IGSF11: variants seen among roughly 807,000 people sequenced by gnomAD.
IGSF11 encodes the protein immunoglobulin superfamily member 11.
In IGSF11, 22 loss-of-function variants were observed where a neutral mutation model predicts 41.0. The observed-to-expected ratio is 0.54, with a 90% confidence interval of 0.38 to 0.77. IGSF11 has a LOEUF of 0.77. Ranked by LOEUF, IGSF11 falls within the 30% of genes least tolerant of loss-of-function variation. IGSF11 has a pLI of 0.00. For missense variants in IGSF11, 444 were observed against 530.8 expected, an observed-to-expected ratio of 0.84 and a Z score of 1.61; for synonymous variants, 219 against 201.3, an observed-to-expected ratio of 1.09 and a Z score of -0.74.
chr3:118,930,375 G>A, intron 1 of IGSF11, 100 bp from the exon 2 acceptor site: 6 of 1,148,004 alleles, frequency 5.2e-6, no homozygotes, highest in Non-Finnish European at 7.3e-6. Context: ...CATTATTATT[G>A]ATTATGTGAA....
intron 1 of IGSF11, among the ~76,000 whole-genome samples, chr3:119,048,677 A>T (rs187383209): frequency 0.016 from 2,468 of 152,066 alleles, 33 homozygotes; most frequent in Non-Finnish European, 0.022. Context: ...TACCAAAGCC[A>T]GGCAGAGACA....
intron 4 of IGSF11, among the ~76,000 whole-genome samples, chr3:118,916,062 ATT>A (rs1941044078): frequency 6.7e-6 from 1 of 149,826 alleles, no homozygotes; most frequent in Non-Finnish European, 1.5e-5. Flanking sequence ...ATGCTGAGAG[ATT>A]TTGTCACCAC....
intron 4 of IGSF11, among the ~76,000 whole-genome samples, chr3:118,916,440 A>C (rs1278886076): frequency 6.6e-6 from 1 of 152,086 alleles, no homozygotes; most frequent in Non-Finnish European, 1.5e-5. Flanking sequence ...AAACTAAAAA[A>C]GGCAGGGGTT....
At chr3:119,080,378 C>CA (rs1220348062) in intron 1 of IGSF11, among the ~76,000 whole-genome samples, 1 of 151,992 alleles carries the variant, frequency 6.6e-6, no homozygotes, top group African/African-American at 2.4e-5. Flanking sequence ...CATTTTACTC[C>CA]AAAAAAATTA....
intron 1 of IGSF11, among the ~76,000 whole-genome samples, chr3:118,995,760 C>T (rs916582487): frequency 6.6e-5 from 10 of 152,290 alleles, no homozygotes; most frequent in African/African-American, 1.7e-4. Flanking sequence ...TCAAGCGATT[C>T]TCCTGCCTCA....
chr3:118,903,927 A>C (rs1168658470), intron 6 of IGSF11, among the ~76,000 whole-genome samples: 2 of 152,190 alleles, frequency 1.3e-5, no homozygotes, highest in Non-Finnish European at 2.9e-5. Context: ...CCAGGAAGAG[A>C]GCAGAGGCTT....
At chr3:118,912,763 T>A (rs934585987) in intron 4 of IGSF11, among the ~76,000 whole-genome samples, 9 of 152,160 alleles carry the variant, frequency 5.9e-5, no homozygotes, top group Non-Finnish European at 1.3e-4. Flanking sequence ...ACTATAAAAT[T>A]AGTATGCTTA....
intron 1 of IGSF11, among the ~76,000 whole-genome samples, chr3:119,001,352 T>C (rs1322093183): frequency 6.6e-6 from 1 of 151,730 alleles, no homozygotes; most frequent in African/African-American, 2.4e-5. Context: ...GGAACTTCTT[T>C]TTGCTTGGCT....
chr3:118,990,086 G>C (rs906223653), intron 1 of IGSF11, among the ~76,000 whole-genome samples: 1 of 152,200 alleles, frequency 6.6e-6, no homozygotes, highest in Non-Finnish European at 1.5e-5. Flanking sequence ...AGGTTACAAA[G>C]AGATTCACAG....
chr3:119,107,806 G>A (rs1010508547), upstream of IGSF11, among the ~76,000 whole-genome samples: 10 of 151,456 alleles, frequency 6.6e-5, no homozygotes, highest in Admixed American at 6.6e-4. Context: ...TTCTACATAT[G>A]GCTAGCCAGT....
intron 1 of IGSF11, among the ~76,000 whole-genome samples, chr3:119,040,823 T>G (rs555505219): frequency 6.6e-6 from 1 of 152,326 alleles, no homozygotes; most frequent in South Asian, 2.1e-4. Context: ...CAACACATTC[T>G]TTGACCACAA....
At chr3:118,950,024 C>A (rs72968606) in intron 1 of IGSF11, among the ~76,000 whole-genome samples, 2,532 of 152,222 alleles carry the variant, frequency 0.017, 62 homozygotes, top group African/African-American at 0.058. Flanking sequence ...CCAATGCAAA[C>A]CCTCAATAAA....
At chr3:119,011,222 T>C (rs1171001750) in intron 1 of IGSF11, among the ~76,000 whole-genome samples, 2 of 151,986 alleles carry the variant, frequency 1.3e-5, no homozygotes, top group East Asian at 3.9e-4. Flanking sequence ...CTGAGGACCA[T>C]GGTGATCGTG....
At chr3:118,992,820 G>A (rs528183896) in intron 1 of IGSF11, among the ~76,000 whole-genome samples, 1 of 152,176 alleles carries the variant, frequency 6.6e-6, no homozygotes, top group South Asian at 2.1e-4. Context: ...TGAAAATTAA[G>A]AATTTTGGTG....
At chr3:119,031,282 T>A (rs1427872323) in intron 1 of IGSF11, among the ~76,000 whole-genome samples, 1 of 151,768 alleles carries the variant, frequency 6.6e-6, no homozygotes, top group Admixed American at 6.6e-5. Flanking sequence ...ATAAACAAAC[T>A]AACTAAGTAG....
At chr3:118,953,871 G>C (rs1176415104) in intron 1 of IGSF11, among the ~76,000 whole-genome samples, 1 of 151,994 alleles carries the variant, frequency 6.6e-6, no homozygotes, top group Non-Finnish European at 1.5e-5. Flanking sequence ...CTCCGCTGAT[G>C]GTTTCTTTTG....
intron 1 of IGSF11, among the ~76,000 whole-genome samples, chr3:119,079,051 A>G (rs556440146): frequency 4.5e-4 from 68 of 152,164 alleles, no homozygotes; most frequent in African/African-American, 1.3e-3. Flanking sequence ...ACTCAGAATG[A>G]CTATTATTAA....
chr3:119,076,262 A>T (rs1350340167), intron 1 of IGSF11, among the ~76,000 whole-genome samples: 1 of 152,266 alleles, frequency 6.6e-6, no homozygotes, highest in East Asian at 1.9e-4. Context: ...ACATTAATTC[A>T]AGATGAATTA....
At chr3:119,037,027 G>C (rs1217080388), upstream of IGSF11, among the ~76,000 whole-genome samples, 1 of 152,180 alleles carries the variant, frequency 6.6e-6, no homozygotes, top group East Asian at 1.9e-4. Flanking sequence ...AGCTCCAAGT[G>C]CTGTACACAG....
Sources: allele counts gnomAD v4.1 joint callset (sites outside exome capture counted in the v4.1 genomes callset), GRCh38; gene constraint gnomAD v4.1.1; transcripts MANE v1.5; gene names NCBI Gene and HGNC (gene_info 2026-07-23, HGNC 2026-07-21).